TRPM1: variants seen among roughly 807,000 people sequenced by gnomAD.
TRPM1 encodes TRPM1-203 APA Isoform, Intron 10.
A neutral mutation model predicts 149.4 loss-of-function variants in TRPM1; 113 were observed. That is an observed-to-expected ratio of 0.76 (90% CI 0.65 to 0.88). The LOEUF (loss-of-function observed/expected upper bound fraction) is 0.88. Ranked by LOEUF, TRPM1 falls within the 40% of genes least tolerant of loss-of-function variation. The probability of loss-of-function intolerance (pLI) is 0.00; values close to 1 mark genes in which losing one functional copy is unlikely to be tolerated. For missense variants in TRPM1, 1,976 were observed against 2,038.7 expected (o/e 0.97, Z 0.59); for synonymous variants, 741 against 759.5 (o/e 0.98, Z 0.40).
rs186485296 is a variant in TRPM1 at position 31,039,705 on chromosome 15, A to C, written c.2316+413T>G. ...AAAACATCACTAGTTAAAATAATACACAATTTCAGAGTTATAAGGGAATCT... is the reference window on the plus strand; with the variant it reads ...AAAACATCACTAGTTAAAATAATACCCAATTTCAGAGTTATAAGGGAATCT... On this transcript the variant is annotated intron_variant, in intron 18 of 27. Transcript: ENST00000256552. Among the ~76,000 whole-genome samples the C allele has an allele frequency of 4.5e-3, 688 of 152,302 alleles. 3 individuals are homozygous for C. Among genetic ancestry groups the C allele is most frequent in the Non-Finnish European group, 6.7e-3 (459 of 68,022 alleles).
At chr15:31,127,339 C>T (rs771969045) in intron 1 of TRPM1, among the ~76,000 whole-genome samples, 26 of 152,236 alleles carry the variant, frequency 1.7e-4, no homozygotes, top group Non-Finnish European at 3.5e-4. Context: ...CTACCAGTCC[C>T]CAGGGGCAGG....
chr15:31,066,049 G>A, intron 7 of TRPM1, 27 bp downstream of exon 7: 1 of 1,610,888 alleles, frequency 6.2e-7, no homozygotes, highest in Non-Finnish European at 8.5e-7. Context: ...CAGCCCAGGA[G>A]GACTGCGTGC....
chr15:31,023,764 A>G (rs189568786), intron 27 of TRPM1, among the ~76,000 whole-genome samples: 2 of 152,310 alleles, frequency 1.3e-5, no homozygotes, highest in South Asian at 2.1e-4. Flanking sequence ...CAGGGCCCCT[A>G]TGACATCTAA....
chr15:31,029,310 GGAAAAGGTAATT>G, intron 24 of TRPM1, 49 bp downstream of exon 24: 1 of 1,555,374 alleles, frequency 6.4e-7, no homozygotes, highest in Non-Finnish European at 8.9e-7. Context: ...AATCAGCTAA[GGAAAAGGTAATT>G]GAAAAACACA....
At chr15:31,034,816 G>T (rs1327141281) in intron 21 of TRPM1, among the ~76,000 whole-genome samples, 1 of 152,180 alleles carries the variant, frequency 6.6e-6, no homozygotes, top group Non-Finnish European at 1.5e-5. Context: ...ATCTCAGGTC[G>T]CTGGCAGCAT....
At chr15:31,124,579 G>A (rs57700167) in intron 1 of TRPM1, among the ~76,000 whole-genome samples, 45,178 of 150,182 alleles carry the variant, frequency 0.3, 7,027 homozygotes, top group Middle Eastern at 0.35. Flanking sequence ...GATGGAACCC[G>A]GGAGGCGGAG....
intron 1 of TRPM1, among the ~76,000 whole-genome samples, chr15:31,157,953 C>T (rs1354111321): frequency 2.6e-5 from 4 of 152,162 alleles, no homozygotes; most frequent in South Asian, 2.1e-4. Context: ...ATTAGGAAAC[C>T]GGGAACCGAC....
At chr15:31,128,078 T>C (rs2035973877) in intron 1 of TRPM1, among the ~76,000 whole-genome samples, 15 of 152,118 alleles carry the variant, frequency 9.9e-5, no homozygotes, top group Admixed American at 8.5e-4. Context: ...CTGCAGACTT[T>C]GACCTGTGCC....
intron 27 of TRPM1, among the ~76,000 whole-genome samples, chr15:31,006,975 C>T (rs1801962299): frequency 6.6e-6 from 1 of 151,808 alleles, no homozygotes; most frequent in Non-Finnish European, 1.5e-5. Context: ...CCATTTTTTC[C>T]ATATTATGGG....
chr15:31,106,825 A>C (rs1341724546), intron 1 of TRPM1, among the ~76,000 whole-genome samples: 1 of 152,202 alleles, frequency 6.6e-6, no homozygotes, highest in Admixed American at 6.5e-5. Context: ...TAAGGGTATA[A>C]ATATGAAATT....
At chr15:31,038,991 C>CTTTTTTT (rs1175210129) in intron 18 of TRPM1, among the ~76,000 whole-genome samples, 1 of 131,474 alleles carries the variant, frequency 7.6e-6, no homozygotes, top group Non-Finnish European at 1.7e-5. Flanking sequence ...CATGCTTCCC[C>CTTTTTTT]TTTTTTTTTT....
chr15:31,088,854 G>C (rs923972753), intron 1 of TRPM1, among the ~76,000 whole-genome samples: 2 of 117,314 alleles, frequency 1.7e-5, no homozygotes, highest in Non-Finnish European at 3.6e-5. Context: ...GATAAGCCCT[G>C]CTGCGGGTAT....
At position 31,038,288 on chromosome 15, in the gene TRPM1, TC is replaced by T. The variant is rs1359176472; in HGVS notation, c.2317-123del. 14 of 1,148,380 alleles carry T rather than the reference TC, an allele frequency of 1.2e-5. No homozygotes were observed. In the African/African-American group the frequency reaches 1.2e-4, roughly 10 times the overall value. The allele number at this position is 1,148,380 out of a possible 1,614,324, so 71.1% of individuals were successfully genotyped here. Reference sequence around the variant, plus strand: ...ATAACCTAGGAGCCCTGGAATGTTATCCCTGGTCTGACGTTCTGTGACATGT... The same window carrying T: ...ATAACCTAGGAGCCCTGGAATGTTATCCTGGTCTGACGTTCTGTGACATGT... On this transcript the variant is annotated intron_variant, in intron 18 of 27. Coordinates refer to ENST00000256552, the MANE Select transcript of TRPM1 (RefSeq NM_001252024.2).
At chr15:31,120,164 T>C (rs763060743) in intron 1 of TRPM1, among the ~76,000 whole-genome samples, 1 of 152,090 alleles carries the variant, frequency 6.6e-6, no homozygotes, top group Non-Finnish European at 1.5e-5. Context: ...ATTTATAATG[T>C]CCACTTTAAA....
chr15:31,060,752 A>T, intron 10 of TRPM1, 108 bp from the exon 11 acceptor site: 1 of 851,140 alleles, frequency 1.2e-6, no homozygotes, highest in Non-Finnish European at 2.0e-6. Flanking sequence ...CTGGCCTAGA[A>T]CTAAGCATTG....
At chr15:31,132,022 CA>C (rs2036022740) in intron 1 of TRPM1, among the ~76,000 whole-genome samples, 1 of 152,220 alleles carries the variant, frequency 6.6e-6, no homozygotes, top group South Asian at 2.1e-4. Flanking sequence ...AGGTTTTATC[CA>C]CAGCCATTAA....
intron 27 of TRPM1, among the ~76,000 whole-genome samples, chr15:31,013,918 C>G (rs1309964125): frequency 6.6e-6 from 1 of 152,148 alleles, no homozygotes. Flanking sequence ...ACAAAATCTT[C>G]TAGTCTTTTC....
At chr15:31,086,916 G>T (rs964540757) in intron 1 of TRPM1, among the ~76,000 whole-genome samples, 9 of 151,954 alleles carry the variant, frequency 5.9e-5, no homozygotes, top group African/African-American at 1.9e-4. Flanking sequence ...ATTTAAAAAA[G>T]GACTTTACAC....
intron 1 of TRPM1, among the ~76,000 whole-genome samples, chr15:31,099,080 G>A (rs553112500): frequency 2.9e-4 from 44 of 152,282 alleles, no homozygotes; most frequent in African/African-American, 8.4e-4. Context: ...TGCTCCTGGC[G>A]CGATGGGCAT....
Sources: gnomAD v4.1 joint callset for allele counts (sites outside exome capture counted in the v4.1 genomes callset) on GRCh38, gnomAD v4.1.1 for gene constraint, MANE v1.5 for transcripts, NCBI Gene and HGNC (gene_info 2026-07-23, HGNC 2026-07-21) for gene names.